DOCK9: variants seen among roughly 807,000 people sequenced by gnomAD.
DOCK9 encodes the protein dedicator of cytokinesis 9.
In DOCK9, 89 loss-of-function variants were observed where a neutral mutation model predicts 263.3. That is an observed-to-expected ratio of 0.34 (90% CI 0.28 to 0.40). DOCK9 has a LOEUF of 0.40. DOCK9 is among the 10% of genes least tolerant of loss of function. The probability of loss-of-function intolerance (pLI) is 1.00; values close to 1 mark genes in which losing one functional copy is unlikely to be tolerated. For missense variants in DOCK9, 2,140 were observed against 2,603.4 expected (o/e 0.82, Z 3.87); for synonymous variants, 976 against 973.1 (o/e 1.00, Z -0.06).
At chr13:98,922,837 C>T (rs925317159) in intron 5 of DOCK9, among the ~76,000 whole-genome samples, 3 of 152,108 alleles carry the variant, frequency 2.0e-5, no homozygotes, top group Non-Finnish European at 2.9e-5. Context: ...ATCTCAATGC[C>T]CTACTCCCTT....
intron 1 of DOCK9, among the ~76,000 whole-genome samples, chr13:99,008,185 CCTCT>C (rs370963218): frequency 0.041 from 4,102 of 100,656 alleles, 119 homozygotes; most frequent in African/African-American, 0.078. Context: ...TATTGTGCAG[CCTCT>C]CTCTCTCTCT....
At position 98,903,121 on chromosome 13, in the gene DOCK9, G is replaced by A; in HGVS notation, c.1036-9C>T. 6.7e-7 allele frequency: 1 copy of A among 1,487,942 alleles called. No homozygotes were observed. The highest frequency in any genetic ancestry group is 2.6e-5 in the East Asian group (1 of 39,212). 92.2% of individuals were successfully genotyped at this position (1,487,942 alleles called of 1,614,324 possible). Reference sequence around the variant, plus strand: ...GATGAGAAGTCAAGCTTCTTTAAAAGAAAATGTAAACATATAAATAAGTTA... The same window carrying A: ...GATGAGAAGTCAAGCTTCTTTAAAAAAAAATGTAAACATATAAATAAGTTA... On this transcript the variant is annotated splice_polypyrimidine_tract_variant and intron_variant, in intron 10 of 52. Transcript: ENST00000682017.
At chr13:98,822,911 C>T (rs780527838) in intron 45 of DOCK9, among the ~76,000 whole-genome samples, 7 of 152,012 alleles carry the variant, frequency 4.6e-5, no homozygotes, top group Non-Finnish European at 7.4e-5. Context: ...AGACAATTTA[C>T]AACAGTGGTT....
intron 27 of DOCK9, among the ~76,000 whole-genome samples, chr13:98,875,294 C>A (rs1275281699): frequency 6.7e-6 from 1 of 149,140 alleles, no homozygotes; most frequent in South Asian, 2.2e-4. Context: ...TGGTAGAATG[C>A]ATACTAGCAT....
intron 52 of DOCK9, 143 bp from the exon 53 acceptor site, chr13:98,794,891 T>C (rs1320819734): frequency 2.5e-6 from 2 of 803,396 alleles, no homozygotes; most frequent in African/African-American, 3.4e-5. Context: ...AACACAATGT[T>C]ACTGAGTATA....
intron 1 of DOCK9, among the ~76,000 whole-genome samples, chr13:99,066,333 T>C (rs1248785770): frequency 3.4e-5 from 5 of 147,706 alleles, no homozygotes; most frequent in African/African-American, 1.2e-4. Context: ...ATTTGTGTTC[T>C]ATGGAGCTTA....
chr13:98,943,324 G>T (rs1444259525), intron 2 of DOCK9, among the ~76,000 whole-genome samples: 1 of 152,224 alleles, frequency 6.6e-6, no homozygotes, highest in East Asian at 1.9e-4. Flanking sequence ...CAAGGGTGTT[G>T]CTCAAACCCA....
At chr13:98,886,989 T>G (rs777051342) in intron 18 of DOCK9, among the ~76,000 whole-genome samples, 64 of 152,028 alleles carry the variant, frequency 4.2e-4, no homozygotes, top group Non-Finnish European at 8.4e-4. Context: ...TCCTTCCATG[T>G]GTCCCCTCAG....
chr13:98,847,973 AG>A (rs2093439580), intron 37 of DOCK9, among the ~76,000 whole-genome samples: 1 of 152,196 alleles, frequency 6.6e-6, no homozygotes, highest in Non-Finnish European at 1.5e-5. Context: ...AGGAGTTTCT[AG>A]GAGGCTGGTT....
chr13:98,808,810 A>G lies in DOCK9; in HGVS notation c.5367+542T>C, dbSNP rs2090999846. The G allele has an allele frequency of 2.2e-5, 15 of 689,076 alleles. No individual in the cohort carries two copies. In the Middle Eastern group the frequency reaches 1.6e-3, roughly 74 times the overall value. The allele number at this position is 689,076 out of a possible 1,614,324, so 42.7% of individuals were successfully genotyped here. On this transcript the variant is annotated intron_variant, in intron 47 of 52. Transcript: ENST00000682017. Reference sequence around the variant, plus strand: ...TAAGGGACTCGAAGGTTAAAATTTAAGTTAAATTTAGATAAACCCTTTCCT... The same window carrying G: ...TAAGGGACTCGAAGGTTAAAATTTAGGTTAAATTTAGATAAACCCTTTCCT...
At chr13:99,084,569 T>C (rs1423053369) in intron 1 of DOCK9, among the ~76,000 whole-genome samples, 2 of 152,172 alleles carry the variant, frequency 1.3e-5, no homozygotes, top group African/African-American at 2.4e-5. Flanking sequence ...TAGGTCACCA[T>C]TAGTAGGCCA....
At chr13:98,855,330 T>C (rs2093679987) in intron 34 of DOCK9, among the ~76,000 whole-genome samples, 1 of 152,082 alleles carries the variant, frequency 6.6e-6, no homozygotes, top group Non-Finnish European at 1.5e-5. Context: ...TCCCAGCACT[T>C]TGGGAGGCCG....
At chr13:98,902,850 C>G in intron 11 of DOCK9, 122 bp downstream of exon 11, 1 of 998,830 alleles carries the variant, frequency 1.0e-6, no homozygotes, top group South Asian at 1.8e-5. Context: ...ATATCCTGAT[C>G]CAAACACTGC....
chr13:98,845,237 C>T (rs1305392785), intron 38 of DOCK9: 1 of 882,238 alleles, frequency 1.1e-6, no homozygotes, highest in East Asian at 5.9e-5. Context: ...GTTAGAAAGC[C>T]CCAAAGTTAG....
At chr13:98,817,718 A>G (rs1236546692) in intron 45 of DOCK9, among the ~76,000 whole-genome samples, 3 of 148,210 alleles carry the variant, frequency 2.0e-5, no homozygotes, top group Admixed American at 1.4e-4. Flanking sequence ...GATATAATGT[A>G]TGTACCACAT....
upstream of DOCK9, among the ~76,000 whole-genome samples, chr13:98,980,745 C>A (rs746810337): frequency 9.6e-4 from 147 of 152,336 alleles, 1 homozygote; most frequent in Non-Finnish European, 1.1e-3. Flanking sequence ...TGCTATCACA[C>A]ATTACAAAGC....
At position 98,863,487 on chromosome 13, in the gene DOCK9, C is replaced by A. The variant is rs762374080; in HGVS notation, c.3348G>T (p.Leu1116=). ...GGGCTGTCCCCACCTCCCTCAGTAA[C>A]AGTCCCACCAAGAAGTGGTTTCTGC... ...EFCRNHFLVG[L]LLREVGTALQ... Residue 1116 remains leucine, a synonymous_variant, in exon 31 of 53, where the codon CTG becomes CTT. Coordinates refer to ENST00000682017, the MANE Select transcript of DOCK9 (RefSeq NM_001366683.2). 92 of 1,613,970 alleles carry A rather than the reference C, an allele frequency of 5.7e-5. No homozygotes were observed. Among genetic ancestry groups the A allele is most frequent in the Non-Finnish European group, 7.6e-5 (90 of 1,179,880 alleles).
rs2093374626 is a variant in DOCK9, at chr13:98,845,884, G to A, written c.4198+40C>T. ...GGCTCTCCCCTCTGAGATGGCACATGAGATGGCTGGCTGTTACGATGGCAT... is the reference window on the plus strand; with the variant it reads ...GGCTCTCCCCTCTGAGATGGCACATAAGATGGCTGGCTGTTACGATGGCAT... On this transcript the variant is annotated intron_variant, in intron 38 of 52. Transcript: ENST00000682017. 5 of 1,607,124 alleles carry A rather than the reference G, an allele frequency of 3.1e-6. No homozygotes were observed. In the South Asian group the frequency reaches 4.5e-5, roughly 14 times the overall value.
chr13:99,071,288 GCTTGCCACCATGC>G (rs1295543111), intron 1 of DOCK9, among the ~76,000 whole-genome samples: 1 of 131,662 alleles, frequency 7.6e-6, no homozygotes, highest in African/African-American at 3.1e-5. Context: ...AACTACAGGT[GCTTGCCACCATGC>G]CTGGCTTTTT....
Sources: gnomAD v4.1 joint callset for allele counts (sites outside exome capture counted in the v4.1 genomes callset) on GRCh38, gnomAD v4.1.1 for gene constraint, MANE v1.5 for transcripts, NCBI Gene and HGNC (gene_info 2026-07-23, HGNC 2026-07-21) for gene names.